The following LAMA2 variants were observed in gnomAD, a reference collection of about 807,000 sequenced individuals.
LAMA2 encodes the protein laminin subunit alpha 2, also known as laminin subunit alpha-2.
A neutral mutation model predicts 364.8 loss-of-function variants in LAMA2; 269 were observed. That is an observed-to-expected ratio of 0.74 (90% CI 0.67 to 0.82). The LOEUF (loss-of-function observed/expected upper bound fraction) is 0.82. Ranked by LOEUF, LAMA2 falls within the 40% of genes least tolerant of loss-of-function variation. The pLI is 0.00. For synonymous variants in LAMA2, 1,379 were observed against 1,370.6 expected, an observed-to-expected ratio of 1.01 and a Z score of -0.14; for missense variants, 3,807 against 3,873.2, an observed-to-expected ratio of 0.98 and a Z score of 0.45.
At chr6:129,514,970 A>C (rs562378551) in intron 64 of LAMA2, among the ~76,000 whole-genome samples, 2 of 152,112 alleles carry the variant, frequency 1.3e-5, no homozygotes, top group Non-Finnish European at 2.9e-5. Flanking sequence ...AATGTTATGG[A>C]ACTTATTTCC....
In LAMA2 at chr6:129,258,842, T is replaced by C. The variant is rs537786447; in HGVS notation, c.2097-1869T>C. 3.3e-3 allele frequency among the ~76,000 whole-genome samples: 503 copies of C among 152,172 alleles called. 3 individuals carry two copies. Among genetic ancestry groups the C allele is most frequent in the African/African-American group, 0.012 (487 of 41,548 alleles). ...AGGGGGGAAAAAAGCATTTAATGAT[T>C]TTCAAATGACACATGTAACCTAAAC... On this transcript the variant is annotated intron_variant, in intron 14 of 64. Coordinates refer to ENST00000421865, the MANE Select transcript of LAMA2 (RefSeq NM_000426.4).
chr6:128,921,064 T>C (rs1488144580), intron 1 of LAMA2, among the ~76,000 whole-genome samples: 5 of 152,216 alleles, frequency 3.3e-5, no homozygotes, highest in African/African-American at 1.2e-4. Context: ...GAAACGCGTA[T>C]CTTGCCTGCA....
intron 40 of LAMA2, among the ~76,000 whole-genome samples, chr6:129,424,789 C>T (rs1238745800): frequency 6.6e-6 from 1 of 151,974 alleles, no homozygotes; most frequent in Non-Finnish European, 1.5e-5. Context: ...CTTTAGAAAA[C>T]AGGTTGATAA....
chr6:129,483,066 CGAAAA>C (rs1784426465), intron 55 of LAMA2, among the ~76,000 whole-genome samples: 1 of 55,614 alleles, frequency 1.8e-5, no homozygotes, highest in Admixed American at 2.0e-4. Flanking sequence ...GACTCCGACT[CGAAAA>C]AAAAAAAAAA....
chr6:129,353,446 GC>G, intron 32 of LAMA2, 89 bp downstream of exon 32: 6 of 1,013,742 alleles, frequency 5.9e-6, no homozygotes, highest in Non-Finnish European at 8.7e-6. Flanking sequence ...CTCCCCGCCC[GC>G]CTTTTTTTTT....
intron 4 of LAMA2, among the ~76,000 whole-genome samples, chr6:129,108,382 C>A (rs1281962109): frequency 6.6e-6 from 1 of 151,958 alleles, no homozygotes; most frequent in African/African-American, 2.4e-5. Flanking sequence ...TACTTTTGAT[C>A]ATTTTACTCT....
intron 58 of LAMA2, among the ~76,000 whole-genome samples, chr6:129,499,306 G>C (rs895007080): frequency 4.6e-5 from 7 of 151,978 alleles, no homozygotes; most frequent in African/African-American, 1.7e-4. Context: ...ACATTTGAGA[G>C]ATTAGTGCGT....
chr6:128,967,792 C>T (rs1255639339), intron 1 of LAMA2, among the ~76,000 whole-genome samples: 1 of 152,092 alleles, frequency 6.6e-6, no homozygotes, highest in Non-Finnish European at 1.5e-5. Flanking sequence ...TTTTACACCT[C>T]AGATTATTTC....
Position 129,334,119 on chromosome 6 carries a change from C to G in LAMA2, c.4311+5707C>G, listed in dbSNP as rs180787361. ...CAAATAAGAAATAGCTGTTATTACTCCCACACAGTAAGTGAGGAAACTGAA... is the reference window on the plus strand; with the variant it reads ...CAAATAAGAAATAGCTGTTATTACTGCCACACAGTAAGTGAGGAAACTGAA... On this transcript the variant is annotated intron_variant, in intron 29 of 64. Transcript: ENST00000421865. Among the ~76,000 whole-genome samples the G allele has an allele frequency of 3.2e-4, 49 of 152,304 alleles. No homozygotes were observed. The East Asian group carries it at 9.1e-3, about 28-fold the overall frequency.
intron 12 of LAMA2, among the ~76,000 whole-genome samples, chr6:129,202,024 C>T (rs1398552418): frequency 6.6e-6 from 1 of 151,712 alleles, no homozygotes; most frequent in East Asian, 1.9e-4. Flanking sequence ...CCCATCTCTA[C>T]TAAAAATACA....
chr6:128,939,773 CT>C lies in LAMA2; in HGVS notation c.112+56418del, dbSNP rs1384524575. ...TTATCTTATTGGCTGATTTATACTT[CT>C]TGTAAAATAATTAGCTTAAGCTAAT... On this transcript the variant is annotated intron_variant, in intron 1 of 64. Coordinates refer to ENST00000421865, the MANE Select transcript of LAMA2 (RefSeq NM_000426.4). Among the ~76,000 whole-genome samples, 3 of 152,116 alleles carry C rather than the reference CT, an allele frequency of 2.0e-5. No homozygotes were observed. In the East Asian group the frequency reaches 5.8e-4, roughly 29 times the overall value.
intron 1 of LAMA2, among the ~76,000 whole-genome samples, chr6:128,912,168 C>A (rs1005750052): frequency 1.3e-5 from 2 of 151,950 alleles, no homozygotes; most frequent in African/African-American, 4.8e-5. Context: ...GAGTAAAATT[C>A]CTGGGTTGCA....
At chr6:129,038,524 G>A (rs1786835524) in intron 1 of LAMA2, among the ~76,000 whole-genome samples, 1 of 152,126 alleles carries the variant, frequency 6.6e-6, no homozygotes, top group African/African-American at 2.4e-5. Context: ...AGACATCAAG[G>A]TCATCCCTAG....
intron 4 of LAMA2, among the ~76,000 whole-genome samples, chr6:129,098,812 C>A (rs1420196104): frequency 6.6e-6 from 1 of 152,144 alleles, no homozygotes; most frequent in Non-Finnish European, 1.5e-5. Flanking sequence ...GAAATGTAAT[C>A]CACATGAAAG....
At position 128,981,801 on chromosome 6, in the gene LAMA2, T is replaced by G. The variant is rs145995940; in HGVS notation, c.113-68117T>G. ...GCCTTCCAGTTCCTCCAAAATAACA[T>G]GTCTTTCCTTGGTAAATACTCTTCT... On this transcript the variant is annotated intron_variant, in intron 1 of 64. Transcript: ENST00000421865. 2.4e-4 allele frequency among the ~76,000 whole-genome samples: 36 copies of G among 152,180 alleles called. No homozygotes were observed. In the East Asian group the frequency reaches 5.4e-3, roughly 23 times the overall value.
At chr6:129,074,982 T>C (rs1470943183) in intron 3 of LAMA2, among the ~76,000 whole-genome samples, 3 of 152,184 alleles carry the variant, frequency 2.0e-5, no homozygotes, top group African/African-American at 2.4e-5. Flanking sequence ...TTTTAAGCAG[T>C]GTTCTAAGCC....
intron 12 of LAMA2, among the ~76,000 whole-genome samples, chr6:129,202,726 AAATACT>A (rs549106930): frequency 6.1e-4 from 93 of 152,354 alleles, no homozygotes; most frequent in African/African-American, 2.1e-3. Context: ...TGAACAAAAC[AAATACT>A]ATCAGTCTAT....
At chr6:129,132,553 T>C (rs916681201) in intron 4 of LAMA2, among the ~76,000 whole-genome samples, 8 of 152,206 alleles carry the variant, frequency 5.3e-5, no homozygotes, top group Admixed American at 4.6e-4. Context: ...TTGATGCACA[T>C]TCTCCTATTG....
rs754662873 is a variant in LAMA2, at chr6:129,505,359, A to C, written c.8703+4A>C. On this transcript the variant is annotated splice_donor_region_variant and intron_variant, in intron 61 of 64. Coordinates refer to ENST00000421865, the MANE Select transcript of LAMA2 (RefSeq NM_000426.4). Reference sequence around the variant, plus strand: ...CACTACCCGAAGAATTGGTCCAGTAAATATCTGATTTCTTCTTTATTACTT... The same window carrying C: ...CACTACCCGAAGAATTGGTCCAGTACATATCTGATTTCTTCTTTATTACTT... 1.2e-6 allele frequency: 2 copies of C among 1,609,004 alleles called. No individual in the cohort carries two copies. Among genetic ancestry groups the C allele is most frequent in the Admixed American group, 3.3e-5 (2 of 60,018 alleles).
Sources: allele counts gnomAD v4.1 joint callset (sites outside exome capture counted in the v4.1 genomes callset), GRCh38; gene constraint gnomAD v4.1.1; transcripts MANE v1.5; gene names NCBI Gene and HGNC (gene_info 2026-07-23, HGNC 2026-07-21).